Variants in PCGF3 observed in about 807,000 individuals in gnomAD.
PCGF3 encodes the protein polycomb group ring finger 3.
In PCGF3, 7 loss-of-function variants were observed where a neutral mutation model predicts 33.1. The observed-to-expected ratio is 0.21, with a 90% confidence interval of 0.12 to 0.40. PCGF3 has a LOEUF of 0.40. PCGF3 is among the 10% of genes least tolerant of loss of function. PCGF3 has a pLI of 1.00. For missense variants in PCGF3, 211 were observed against 313.3 expected (o/e 0.67, Z 2.46); for synonymous variants, 153 against 121.3 (o/e 1.26, Z -1.72).
chr4:731,534 CA>C (rs1743560559), intron 3 of PCGF3, among the ~76,000 whole-genome samples: 1 of 150,290 alleles, frequency 6.7e-6, no homozygotes, highest in African/African-American at 2.5e-5. Context: ...GCGTGGCCCT[CA>C]GGGGTGTAGG....
chr4:748,563 C>T (rs956737722), intron 8 of PCGF3, among the ~76,000 whole-genome samples: 5 of 152,204 alleles, frequency 3.3e-5, no homozygotes, highest in South Asian at 4.1e-4. Flanking sequence ...GAAATAGACA[C>T]GTGTGTCCAA....
intron 6 of PCGF3, 95 bp from the exon 7 acceptor site, chr4:743,379 C>T (rs962303815): frequency 4.1e-6 from 3 of 727,284 alleles, no homozygotes; most frequent in Admixed American, 2.3e-5. Context: ...CTTCATAATG[C>T]AAATCCCTAA....
At chr4:711,693 A>G (rs1448361029) in intron 1 of PCGF3, among the ~76,000 whole-genome samples, 6 of 151,234 alleles carry the variant, frequency 4.0e-5, no homozygotes, top group Non-Finnish European at 7.4e-5. Flanking sequence ...TCCTGACCTC[A>G]TGATCCACCC....
intron 6 of PCGF3, among the ~76,000 whole-genome samples, chr4:738,357 T>C (rs1743928020): frequency 6.6e-6 from 1 of 152,254 alleles, no homozygotes; most frequent in Non-Finnish European, 1.5e-5. Flanking sequence ...AATTTAGATT[T>C]CCTGAGTAAA....
chr4:715,867 GTGTCGGTGCTGGGACCCTGTGGA>G lies in PCGF3; in HGVS notation c.-190+9898_-190+9920del, dbSNP rs1344548685. 1.6e-3 allele frequency among the ~76,000 whole-genome samples: 189 copies of G among 117,400 alleles called. 2 individuals are homozygous for G. Among genetic ancestry groups the G allele is most frequent in the Non-Finnish European group, 2.3e-3 (119 of 52,176 alleles). 77.0% of individuals were successfully genotyped at this position (117,400 alleles called of 152,430 possible). On this transcript the variant is annotated intron_variant, in intron 1 of 10. Transcript: ENST00000362003. The stretch of plus-strand genomic sequence containing the variant: ...TAGACACTGTGAGTGTGAGAACTGG[GTGTCGGTGCTGGGACCCTGTGGA>G]CACTGAGGGTGAGAACTGGGCGTCG...
chr4:755,554 A>G lies in PCGF3; in HGVS notation c.463-5725A>G, dbSNP rs1000528850. On this transcript the variant is annotated intron_variant, in intron 8 of 10. Transcript: ENST00000362003. ...CACAGTTTTAAAATTTGACATAATT[A>G]AATGTATCGGTATTTTCTTCTGAAT... Among the ~76,000 whole-genome samples, 17 of 152,354 alleles carry G rather than the reference A, an allele frequency of 1.1e-4. 2 individuals carry two copies. Among genetic ancestry groups the G allele is most frequent in the East Asian group, 1.9e-4 (1 of 5,194 alleles).
rs372087075 is a variant in PCGF3, at chr4:752,371, T to C, written c.462+7683T>C. ...CACAGCTGTTTTTTGCTCTCATCTT[T>C]TTTTAAGTATAAGCCATCGGTCTGT... On this transcript the variant is annotated intron_variant, in intron 8 of 10. Transcript: ENST00000362003. Among the ~76,000 whole-genome samples the C allele has an allele frequency of 3.9e-5, 6 of 152,246 alleles. No individual in the cohort carries two copies. The South Asian group carries it at 1.0e-3, about 26-fold the overall frequency.
In PCGF3 at chr4:750,279, G is replaced by T. The variant is rs17721689; in HGVS notation, c.462+5591G>T. Among the ~76,000 whole-genome samples the T allele has an allele frequency of 7.9e-5, 12 of 152,238 alleles. No homozygotes were observed. The South Asian group carries it at 2.5e-3, about 32-fold the overall frequency. On this transcript the variant is annotated intron_variant, in intron 8 of 10. Coordinates refer to ENST00000362003, the Ensembl canonical transcript of PCGF3. ...AACATTTGAGTAACGTGGCCTTTTT[G>T]GGTTCCATCCACTCCTCTTTCTAGT... is the stretch of plus-strand genomic sequence containing the variant.
chr4:717,383 G>A (rs1166699498), intron 1 of PCGF3, among the ~76,000 whole-genome samples: 1 of 152,202 alleles, frequency 6.6e-6, no homozygotes, highest in African/African-American at 2.4e-5. Flanking sequence ...GACACTGTGA[G>A]TGTGTGCTTA....
At chr4:708,433 C>T (rs568420802) in intron 1 of PCGF3, among the ~76,000 whole-genome samples, 2 of 152,226 alleles carry the variant, frequency 1.3e-5, no homozygotes, top group South Asian at 2.1e-4. Flanking sequence ...GCTGGATGCA[C>T]CTGCTGTGAA....
intron 8 of PCGF3, among the ~76,000 whole-genome samples, chr4:750,629 T>A (rs1030462588): frequency 2.0e-5 from 3 of 152,078 alleles, no homozygotes; most frequent in Non-Finnish European, 4.4e-5. Context: ...TGAGGCACTT[T>A]GAGGTGTTAA....
chr4:768,127 T>C (rs1745459853), exon 11 of PCGF3: 1 of 152,702 alleles, frequency 6.5e-6, no homozygotes, highest in South Asian at 2.1e-4. Context: ...CTGATAGATT[T>C]AAATACACAG....
chr4:721,705 C>T lies in PCGF3; in HGVS notation c.-189-8925C>T, dbSNP rs1167426062. Among the ~76,000 whole-genome samples the T allele has an allele frequency of 6.6e-6, 1 of 151,304 alleles. No individual in the cohort carries two copies. The highest frequency in any genetic ancestry group is 2.4e-5 in the African/African-American group (1 of 41,132). On this transcript the variant is annotated intron_variant, in intron 1 of 10. Coordinates refer to ENST00000362003, the Ensembl canonical transcript of PCGF3. This position sits in a 1 kb window ranked among gnomAD's most constrained non-coding sequence, Gnocchi z 4.1. Reference sequence around the variant, plus strand: ...TCTGCGTGTGGGTGTGGAGAGAGGCCTGTGGGAGACGGATGGATGGGTGTC... The same window carrying T: ...TCTGCGTGTGGGTGTGGAGAGAGGCTTGTGGGAGACGGATGGATGGGTGTC...
intron 1 of PCGF3, chr4:722,387 G>A (rs536294381): frequency 7.6e-4 from 153 of 201,264 alleles, no homozygotes; most frequent in Middle Eastern, 2.0e-3. Context: ...GCTGGAGGCT[G>A]CCCCAGGCAG....
At chr4:766,869 C>G (rs1184119985) in exon 11 of PCGF3, 1 of 152,238 alleles carries the variant, frequency 6.6e-6, no homozygotes, top group Non-Finnish European at 1.5e-5. Flanking sequence ...ACAACTCTTA[C>G]TTTTAAAAAT....
chr4:734,128 A>G lies in PCGF3; in HGVS notation c.109+339A>G, dbSNP rs182920722. 1.6e-4 allele frequency: 241 copies of G among 1,550,630 alleles called. 2 individuals carry two copies. The East Asian group carries it at 4.2e-3, about 27-fold the overall frequency. ...CCAGAGGAGTTCCTTAGATCCTTCA[A>G]AGGGGAACCTTCCAGTGTGTTCTTC... On this transcript the variant is annotated intron_variant, in intron 4 of 10. Coordinates refer to ENST00000362003, the Ensembl canonical transcript of PCGF3.
At chr4:763,774 C>T (rs1446481639) in intron 9 of PCGF3, among the ~76,000 whole-genome samples, 2 of 152,228 alleles carry the variant, frequency 1.3e-5, no homozygotes, top group African/African-American at 2.4e-5. Context: ...TAGCATCTTT[C>T]TTCATAATTA....
chr4:743,673 C>G (rs1307182313), intron 7 of PCGF3, 89 bp downstream of exon 7: 2 of 749,314 alleles, frequency 2.7e-6, no homozygotes, highest in Non-Finnish European at 4.6e-6. Context: ...GCCGGCCCCT[C>G]CCACACGCAC....
chr4:761,651 G>A lies in PCGF3; in HGVS notation c.600+235G>A, dbSNP rs889175401. 23 of 984,812 alleles carry A rather than the reference G, an allele frequency of 2.3e-5. 1 individual carries two copies. Among genetic ancestry groups the A allele is most frequent in the African/African-American group, 3.5e-5 (2 of 57,210 alleles). 61.0% of individuals were successfully genotyped at this position (984,812 alleles called of 1,614,324 possible). On this transcript the variant is annotated intron_variant, in intron 9 of 10. Transcript: ENST00000362003. ...TACTGTGAGTGGAAGAGAGAACTAG[G>A]GCGGGGATGATGAGACTGTTTTAAA...
Sources: gnomAD v4.1 joint callset for allele counts (sites outside exome capture counted in the v4.1 genomes callset) on GRCh38, gnomAD v4.1.1 for gene constraint, Gnocchi (gnomAD v3.1) non-coding constraint, MANE v1.5 for transcripts, NCBI Gene and HGNC (gene_info 2026-07-23, HGNC 2026-07-21) for gene names.